MBD5: variants seen among roughly 807,000 people sequenced by gnomAD.
The protein encoded by MBD5 is methyl-CpG-binding domain protein 5.
In MBD5, 13 loss-of-function variants were observed where a neutral mutation model predicts 117.3. The observed-to-expected ratio is 0.11, with a 90% CI of 0.07 to 0.18. MBD5 has a LOEUF of 0.18. Ranked by LOEUF, MBD5 falls within the 10% of genes least tolerant of loss-of-function variation. The pLI, the probability that MBD5 is intolerant of heterozygous loss-of-function variation, is 1.00. For missense variants in MBD5, 1,879 were observed against 2,093.8 expected (o/e 0.90, Z 2.00); for synonymous variants, 727 against 766.4 (o/e 0.95, Z 0.85).
At chr2:148,454,308 C>CCA (rs1706816675) in intron 4 of MBD5, among the ~76,000 whole-genome samples, 1 of 152,088 alleles carries the variant, frequency 6.6e-6, no homozygotes, top group African/African-American at 2.4e-5. Flanking sequence ...GATCCATTAA[C>CCA]ATGATTGATA....
intron 1 of MBD5, among the ~76,000 whole-genome samples, chr2:148,121,576 A>G (rs1696769389): frequency 1.3e-5 from 2 of 152,038 alleles, no homozygotes; most frequent in South Asian, 4.1e-4. Flanking sequence ...TTGTTTTTAT[A>G]CCTTGCCTGT....
intron 4 of MBD5, among the ~76,000 whole-genome samples, chr2:148,368,451 G>T (rs1703764300): frequency 6.6e-6 from 1 of 151,864 alleles, no homozygotes. Context: ...TTCTGCACAT[G>T]TATCCCAACT....
At chr2:148,189,264 G>T (rs150671246) in intron 2 of MBD5, among the ~76,000 whole-genome samples, 116,555 of 146,350 alleles carry the variant, frequency 0.8, 47,743 homozygotes, top group East Asian at 0.9. Context: ...CACAGCTCAA[G>T]GAGGCCTGCC....
intron 1 of MBD5, among the ~76,000 whole-genome samples, chr2:148,089,302 C>T (rs191932831): frequency 2.3e-4 from 35 of 152,058 alleles, no homozygotes; most frequent in East Asian, 1.7e-3. Context: ...GTCATCAAGA[C>T]GGAATGTCAA....
At chr2:148,399,187 A>T (rs1704834783) in intron 4 of MBD5, among the ~76,000 whole-genome samples, 1 of 152,202 alleles carries the variant, frequency 6.6e-6, no homozygotes, top group Admixed American at 6.5e-5. Context: ...CAATTCCATG[A>T]AGAAAGTCAT....
chr2:148,474,246 A>AGT, intron 8 of MBD5, among the ~76,000 whole-genome samples: 1 of 152,288 alleles, frequency 6.6e-6, no homozygotes, highest in South Asian at 2.1e-4. Flanking sequence ...AGGCCTCTTT[A>AGT]ATCCTCTGAC....
intron 11 of MBD5, among the ~76,000 whole-genome samples, chr2:148,496,132 A>T (rs1261501629): frequency 3.3e-5 from 5 of 152,226 alleles, no homozygotes; most frequent in Non-Finnish European, 7.3e-5. Flanking sequence ...CCGCTGTTGG[A>T]AATGAATCCT....
chr2:148,390,921 T>C (rs570685584), intron 4 of MBD5, among the ~76,000 whole-genome samples: 8 of 152,214 alleles, frequency 5.3e-5, no homozygotes, highest in Non-Finnish European at 8.8e-5. Flanking sequence ...CACGTCCTTT[T>C]TGGTGTTCAG....
chr2:148,282,899 GCC>G (rs1414326656), intron 3 of MBD5, among the ~76,000 whole-genome samples: 5 of 64,074 alleles, frequency 7.8e-5, no homozygotes, highest in East Asian at 7.6e-4. Context: ...AGACTTAACC[GCC>G]CCCCCCCATC....
intron 1 of MBD5, among the ~76,000 whole-genome samples, chr2:148,090,205 A>G (rs1260355665): frequency 2.0e-5 from 3 of 151,976 alleles, no homozygotes; most frequent in Admixed American, 6.6e-5. Context: ...AAAATTGGCA[A>G]CAACAACAAA....
At chr2:148,507,915 T>A (rs1010937357) in intron 12 of MBD5, among the ~76,000 whole-genome samples, 1 of 152,308 alleles carries the variant, frequency 6.6e-6, no homozygotes, top group African/African-American at 2.4e-5. Context: ...CTTTATATAG[T>A]CAATTTTAAA....
At chr2:148,327,275 TCC>T (rs1702480663) in intron 3 of MBD5, among the ~76,000 whole-genome samples, 1 of 152,118 alleles carries the variant, frequency 6.6e-6, no homozygotes, top group Non-Finnish European at 1.5e-5. Context: ...TAACATTTTT[TCC>T]TTCATTTCAA....
intron 1 of MBD5, among the ~76,000 whole-genome samples, chr2:148,028,941 T>C (rs1395208423): frequency 6.6e-6 from 1 of 152,134 alleles, no homozygotes; most frequent in Non-Finnish European, 1.5e-5. Context: ...CAATGTAATC[T>C]AGTTAAAAGG....
rs1365892673 is a variant in MBD5, at chr2:148,468,869, T to C, written c.926T>C (p.Val309Ala). The stretch of plus-strand genomic sequence containing the variant: ...CCAACCTTGACTACAAAGAGTCCAG[T>C]AATGAAAAAACCAATGTGTAATTTT... ...LSPTLTTKSP[V>A]MKKPMCNFST... Residue 309 changes from valine (V) to alanine (A), a missense_variant, in exon 8 of 14, where the codon GTA (valine) becomes GCA (alanine). By Grantham distance (64) the Val-to-Ala change is moderately conservative. Coordinates refer to ENST00000642680, the MANE Select transcript of MBD5 (RefSeq NM_001378120.1). The C allele has an allele frequency of 6.2e-7, 1 of 1,613,816 alleles. No individual in the cohort carries two copies. Among genetic ancestry groups the C allele is most frequent in the African/African-American group, 1.3e-5 (1 of 74,874 alleles).
At chr2:148,309,869 G>T (rs535827299) in intron 3 of MBD5, among the ~76,000 whole-genome samples, 2 of 152,024 alleles carry the variant, frequency 1.3e-5, no homozygotes, top group African/African-American at 2.4e-5. Flanking sequence ...TAGCATGAAG[G>T]GTTGTTGAAT....
intron 8 of MBD5, among the ~76,000 whole-genome samples, chr2:148,479,239 T>G (rs1681067103): frequency 6.6e-6 from 1 of 152,168 alleles, no homozygotes. Flanking sequence ...TCTGGAAGCC[T>G]TCTTAGGTAA....
intron 4 of MBD5, among the ~76,000 whole-genome samples, chr2:148,423,788 G>C (rs1705685358): frequency 6.6e-6 from 1 of 152,142 alleles, no homozygotes; most frequent in South Asian, 2.1e-4. Flanking sequence ...CCATGGGTAT[G>C]CTGTATTCAG....
At chr2:148,335,325 G>A (rs1275055068) in intron 3 of MBD5, among the ~76,000 whole-genome samples, 1 of 151,640 alleles carries the variant, frequency 6.6e-6, no homozygotes, top group Admixed American at 6.6e-5. Flanking sequence ...AGATTGCAGT[G>A]AGCCGAGATC....
At chr2:148,298,478 C>T (rs1701706778) in intron 3 of MBD5, among the ~76,000 whole-genome samples, 1 of 152,196 alleles carries the variant, frequency 6.6e-6, no homozygotes, top group Middle Eastern at 3.2e-3. Flanking sequence ...AATTGTCTTG[C>T]ACAAATGTTT....
Sources: allele counts gnomAD v4.1 joint callset (sites outside exome capture counted in the v4.1 genomes callset), GRCh38; gene constraint gnomAD v4.1.1; transcripts MANE v1.5; gene names NCBI Gene and HGNC (gene_info 2026-07-23, HGNC 2026-07-21).